NAV2: variants seen among roughly 807,000 people sequenced by gnomAD.
NAV2 encodes neuron navigator 2.
In NAV2, 54 loss-of-function variants were observed where a neutral mutation model predicts 223.2. The ratio of observed to expected loss-of-function variants is 0.24; its 90% CI spans 0.19 to 0.30. The LOEUF (loss-of-function observed/expected upper bound fraction) is 0.30, where lower values mean the gene tolerates loss of function less well. NAV2 is among the 10% of genes least tolerant of loss of function. The pLI is 1.00. For missense variants in NAV2, 2,806 were observed against 3,147.5 expected, an observed-to-expected ratio of 0.89 and a Z score of 2.60; for synonymous variants, 1,279 against 1,239.3, an observed-to-expected ratio of 1.03 and a Z score of -0.67.
chr11:19,437,734 T>C (rs1319951720), intron 1 of NAV2, among the ~76,000 whole-genome samples: 2 of 152,220 alleles, frequency 1.3e-5, no homozygotes, highest in Non-Finnish European at 2.9e-5. Flanking sequence ...CCAATTAAAC[T>C]ATGAAACGAT....
chr11:19,483,934 A>G (rs2042358727), intron 1 of NAV2, among the ~76,000 whole-genome samples: 1 of 152,154 alleles, frequency 6.6e-6, no homozygotes, highest in Admixed American at 6.5e-5. Context: ...TCTTGATTCT[A>G]GAACCCAAAT....
At chr11:20,076,187 T>C (rs949249277) in intron 22 of NAV2, among the ~76,000 whole-genome samples, 1 of 152,174 alleles carries the variant, frequency 6.6e-6, no homozygotes, top group African/African-American at 2.4e-5. Context: ...TGATTTGCTC[T>C]GTTATGGGTA....
intron 1 of NAV2, among the ~76,000 whole-genome samples, chr11:19,799,162 C>G (rs1229782728): frequency 1.3e-5 from 2 of 152,168 alleles, no homozygotes; most frequent in East Asian, 1.9e-4. Flanking sequence ...AGCAGACGTG[C>G]CTTTTCCCGC....
Position 19,698,804 on chromosome 11 carries a change from GTGTGTGTGCATGT to G in NAV2, c.76-133679_76-133667del, listed in dbSNP as rs371068184. Reference sequence around the variant, plus strand: ...AGCTTCATGTGGACAGTGCTCACGTGTGTGTGTGCATGTGAGAGAGAGAGAGTGTGTGTGTATG... The same window carrying G: ...AGCTTCATGTGGACAGTGCTCACGTGGAGAGAGAGAGAGTGTGTGTGTATG... On this transcript the variant is annotated intron_variant, in intron 1 of 37. Transcript: ENST00000360655. Among the ~76,000 whole-genome samples the G allele has an allele frequency of 6.2e-3, 950 of 152,318 alleles. 11 individuals carry two copies. The highest frequency in any genetic ancestry group is 0.022 in the African/African-American group (908 of 41,562).
intron 1 of NAV2, among the ~76,000 whole-genome samples, chr11:19,385,927 A>C (rs1849025872): frequency 6.6e-6 from 1 of 151,740 alleles, no homozygotes; most frequent in African/African-American, 2.4e-5. Flanking sequence ...ATGCCTGGCT[A>C]ATTTTTTTGT....
intron 1 of NAV2, among the ~76,000 whole-genome samples, chr11:19,439,917 T>C (rs76971448): frequency 0.024 from 3,648 of 152,306 alleles, 139 homozygotes; most frequent in African/African-American, 0.083. Context: ...TAATGTGGGA[T>C]ATTGAGAGTA....
At chr11:19,636,621 A>G (rs962296326) in intron 1 of NAV2, among the ~76,000 whole-genome samples, 3 of 151,934 alleles carry the variant, frequency 2.0e-5, no homozygotes, top group Admixed American at 2.0e-4. Flanking sequence ...CTCCCGAGTA[A>G]CTGGGACTAC....
At chr11:19,590,323 C>T (rs1233056500) in intron 1 of NAV2, among the ~76,000 whole-genome samples, 1 of 152,120 alleles carries the variant, frequency 6.6e-6, no homozygotes, top group African/African-American at 2.4e-5. Context: ...TTTCTCCTAA[C>T]AGATTTGGAA....
intron 1 of NAV2, among the ~76,000 whole-genome samples, chr11:19,733,604 G>C (rs1016732229): frequency 6.6e-6 from 1 of 152,206 alleles, no homozygotes; most frequent in African/African-American, 2.4e-5. Context: ...AGGGGAAATG[G>C]GGTAGGAGCT....
At chr11:19,393,895 G>T (rs1264810322) in intron 1 of NAV2, among the ~76,000 whole-genome samples, 4 of 136,214 alleles carry the variant, frequency 2.9e-5, no homozygotes, top group Admixed American at 7.4e-5. Flanking sequence ...TAACTTAAGG[G>T]TTTTTTTTTT....
intron 1 of NAV2, among the ~76,000 whole-genome samples, chr11:19,655,635 G>A (rs2048100184): frequency 6.6e-6 from 1 of 151,036 alleles, no homozygotes; most frequent in Admixed American, 6.6e-5. Context: ...GCAAACTATT[G>A]CAAGGACAGA....
At position 19,745,997 on chromosome 11, in the gene NAV2, A is replaced by G. The variant is rs145657967; in HGVS notation, c.267+32035A>G. 1.7e-4 allele frequency among the ~76,000 whole-genome samples: 26 copies of G among 152,332 alleles called. No individual in the cohort carries two copies. In the East Asian group the frequency reaches 5.0e-3, roughly 29 times the overall value. ...CAACTGCAGAATCCTGCAGTTTCCA[A>G]AGCATTTTTATCAACATGATTTTCT... On this transcript the variant is annotated intron_variant, in intron 1 of 37. Coordinates refer to ENST00000349880, the MANE Select transcript of NAV2 (RefSeq NM_145117.5).
intron 1 of NAV2, among the ~76,000 whole-genome samples, chr11:19,763,791 G>GT (rs757904066): frequency 2.8e-4 from 35 of 126,264 alleles, no homozygotes; most frequent in South Asian, 7.4e-4. Context: ...TTGTTTTTTT[G>GT]TTTTTTTTGT....
chr11:20,079,908 G>T (rs1209911517), intron 24 of NAV2, among the ~76,000 whole-genome samples, 156 bp from the exon 25 acceptor site: 6 of 152,184 alleles, frequency 3.9e-5, no homozygotes, highest in African/African-American at 1.4e-4. Context: ...ACCTATTCAA[G>T]GATCTTAGAA....
In NAV2 at chr11:20,097,761, G is replaced by C. The variant is rs745529206; in HGVS notation, c.6181+16G>C. ...ACTGTGAAAGGTAATTGAGCTTGTTGCAGAAGTCGGAGCTTTCAGGAATTG... is the reference window on the plus strand; with the variant it reads ...ACTGTGAAAGGTAATTGAGCTTGTTCCAGAAGTCGGAGCTTTCAGGAATTG... On this transcript the variant is annotated intron_variant, in intron 31 of 37. Coordinates refer to ENST00000349880, the MANE Select transcript of NAV2 (RefSeq NM_145117.5). 1 of 1,561,880 alleles carries C rather than the reference G, an allele frequency of 6.4e-7. No homozygotes were observed. Among genetic ancestry groups the C allele is most frequent in the Non-Finnish European group, 8.7e-7 (1 of 1,154,380 alleles).
At chr11:19,960,577 C>G (rs949046045) in intron 10 of NAV2, among the ~76,000 whole-genome samples, 1 of 144,444 alleles carries the variant, frequency 6.9e-6, no homozygotes, top group African/African-American at 2.6e-5. Context: ...TTAGGGCCAC[C>G]CTTTTTTAAA....
chr11:19,893,119 A>C (rs1326908125), intron 6 of NAV2, among the ~76,000 whole-genome samples: 1 of 146,716 alleles, frequency 6.8e-6, no homozygotes, highest in African/African-American at 2.5e-5. Context: ...TGATGATGTA[A>C]CTTTTGCCAT....
chr11:19,516,694 C>G (rs1434223494), intron 1 of NAV2, among the ~76,000 whole-genome samples: 2 of 152,172 alleles, frequency 1.3e-5, no homozygotes, highest in East Asian at 3.9e-4. Context: ...TCTCTGCAGA[C>G]AGAGAGTAGG....
At chr11:19,526,840 C>T (rs889743047) in intron 1 of NAV2, among the ~76,000 whole-genome samples, 3 of 152,172 alleles carry the variant, frequency 2.0e-5, no homozygotes, top group Non-Finnish European at 4.4e-5. Flanking sequence ...ACACAAAGTC[C>T]ATATCTGGAA....
Sources: gnomAD v4.1 joint callset for allele counts (sites outside exome capture counted in the v4.1 genomes callset) on GRCh38, gnomAD v4.1.1 for gene constraint, MANE v1.5 for transcripts, NCBI Gene and HGNC (gene_info 2026-07-23, HGNC 2026-07-21) for gene names.